NFAT5: variants seen among roughly 807,000 people sequenced by gnomAD.
NFAT5 encodes the protein nuclear factor of activated T-cells 5.
In NFAT5, 31 loss-of-function variants were observed where a neutral mutation model predicts 166.5. That is an observed-to-expected ratio of 0.19 (90% confidence interval 0.14 to 0.25). NFAT5 has a LOEUF of 0.25. Among genes scored for constraint, NFAT5 ranks in the 10% least tolerant of loss-of-function variants. The probability of loss-of-function intolerance (pLI) is 1.00; values close to 1 mark genes in which losing one functional copy is unlikely to be tolerated. For synonymous variants in NFAT5, 612 were observed against 639.7 expected (o/e 0.96, Z 0.65); for missense variants, 1,449 against 1,821.8 (o/e 0.80, Z 3.72).
intron 6 of NFAT5, among the ~76,000 whole-genome samples, chr16:69,659,399 C>T (rs936297096): frequency 1.3e-5 from 2 of 151,896 alleles, no homozygotes; most frequent in African/African-American, 4.8e-5. Context: ...GCCGAGATCA[C>T]GCCACTGCAC....
At chr16:69,670,587 A>T (rs575354015) in intron 9 of NFAT5, among the ~76,000 whole-genome samples, 17 of 152,212 alleles carry the variant, frequency 1.1e-4, no homozygotes, top group Non-Finnish European at 2.1e-4. Context: ...TTAATCCACT[A>T]TATAGTTAAA....
At position 69,566,382 on chromosome 16, in the gene NFAT5, A is replaced by G; in HGVS notation, c.73+8A>G. On this transcript the variant is annotated splice_region_variant and intron_variant, in intron 1 of 14. Transcript: ENST00000349945. This position sits in a 1 kb window ranked among gnomAD's most constrained non-coding sequence, Gnocchi z 5.7. Reference sequence around the variant, plus strand: ...AGTCCCTCTACTCGCGAGGTGAGTCAGGCTGTGGGGGGTGGGGCGTGGGGG... The same window carrying G: ...AGTCCCTCTACTCGCGAGGTGAGTCGGGCTGTGGGGGGTGGGGCGTGGGGG... 1.0e-6 allele frequency: 1 copy of G among 1,000,258 alleles called. No individual in the cohort carries two copies. Among genetic ancestry groups the G allele is most frequent in the Admixed American group, 1.9e-5 (1 of 52,376 alleles). The allele number at this position is 1,000,258 out of a possible 1,614,324, so 62.0% of individuals were successfully genotyped here.
intron 2 of NFAT5, among the ~76,000 whole-genome samples, chr16:69,595,867 A>G (rs1229358742): frequency 6.6e-6 from 1 of 152,190 alleles, no homozygotes; most frequent in African/African-American, 2.4e-5. Context: ...CTGATAATCC[A>G]TATGGTTACT....
At position 69,693,070 on chromosome 16, in the gene NFAT5, C is replaced by T; in HGVS notation, c.3245C>T (p.Ser1082Phe). Residue 1082 changes from serine to phenylalanine, a missense_variant, in exon 13 of 15, where the codon TCT becomes TTT. This residue lies in a region of NFAT5 where 891 missense variants were observed against 993.0 expected (regional missense o/e 0.90). Coordinates refer to ENST00000349945, the MANE Select transcript of NFAT5 (RefSeq NM_138713.4). The stretch of plus-strand genomic sequence containing the variant: ...CAATCTGGAAATTTTTTGCAGCAGT[C>T]TTCTCATTCACAGGCCCAACTTTTT... ...SLQSGNFLQQSSHSQAQLFHP... is the reference protein window; with the variant it reads ...SLQSGNFLQQFSHSQAQLFHP... 1.2e-6 allele frequency: 2 copies of T among 1,600,944 alleles called. No homozygotes were observed. Among genetic ancestry groups the T allele is most frequent in the Non-Finnish European group, 1.7e-6 (2 of 1,168,080 alleles).
At chr16:69,670,370 A>T (rs1226834293) in intron 9 of NFAT5, 82 bp downstream of exon 9, 3 of 830,112 alleles carry the variant, frequency 3.6e-6, no homozygotes, top group Non-Finnish European at 5.7e-6. Flanking sequence ...CTGAATCAAT[A>T]GATTAAATTT....
At position 69,642,032 on chromosome 16, in the gene NFAT5, G is replaced by A. The variant is rs561676079; in HGVS notation, c.254-4996G>A. On this transcript the variant is annotated intron_variant, in intron 3 of 14. Coordinates refer to ENST00000349945, the MANE Select transcript of NFAT5 (RefSeq NM_138713.4). ...GATGATCGCTTGAGCCCAGGAGGTC[G>A]AGGCTGCAGTGGGTTGTGATCGTGC... Among the ~76,000 whole-genome samples the A allele has an allele frequency of 5.6e-4, 85 of 152,156 alleles. 1 individual carries two copies. The highest frequency in any genetic ancestry group is 2.0e-3 in the African/African-American group (83 of 41,510).
intron 4 of NFAT5, among the ~76,000 whole-genome samples, chr16:69,652,726 G>T (rs1199058701): frequency 1.3e-5 from 2 of 149,404 alleles, no homozygotes; most frequent in Admixed American, 1.4e-4. Flanking sequence ...TTTGTATGGG[G>T]GTATGTAGGG....
Position 69,703,438 on chromosome 16 carries a change from G to A in NFAT5, c.*7087G>A, listed in dbSNP as rs1325032090. ...TCGTTTCTCAAGTGTATGCATCATG[G>A]TAAATATAAACTAACCACAAGATAG... On this transcript the variant is annotated 3_prime_UTR_variant, in exon 15 of 15. Transcript: ENST00000349945. The A allele has an allele frequency of 1.3e-5, 2 of 152,524 alleles. No homozygotes were observed. Among genetic ancestry groups the A allele is most frequent in the East Asian group, 3.8e-4 (2 of 5,202 alleles). The allele number at this position is 152,524 out of a possible 1,614,324, so 9.4% of individuals were successfully genotyped here.
intron 2 of NFAT5, among the ~76,000 whole-genome samples, chr16:69,578,782 T>A (rs2031467844): frequency 6.6e-6 from 1 of 152,188 alleles, no homozygotes; most frequent in Non-Finnish European, 1.5e-5. Flanking sequence ...AATAATAAAT[T>A]AATTTTCCCA....
chr16:69,660,821 CT>C (rs2036093936), intron 7 of NFAT5, among the ~76,000 whole-genome samples: 43 of 140,602 alleles, frequency 3.1e-4, no homozygotes, highest in African/African-American at 1.1e-3. Flanking sequence ...TTTTTTTTTT[CT>C]TTTTTGAGAT....
intron 2 of NFAT5, among the ~76,000 whole-genome samples, chr16:69,624,916 AAAG>A (rs571280051): frequency 2.8e-4 from 42 of 151,344 alleles, no homozygotes; most frequent in African/African-American, 8.0e-4. Flanking sequence ...AAAAAAAAAA[AAAG>A]AAGGAGTTTC....
At chr16:69,574,773 A>G (rs763558860) in intron 2 of NFAT5, among the ~76,000 whole-genome samples, 2 of 151,936 alleles carry the variant, frequency 1.3e-5, no homozygotes, top group South Asian at 2.1e-4. Context: ...GGTTCAAGCA[A>G]TTCTCCCACC....
At chr16:69,578,877 GT>G (rs200744895) in intron 2 of NFAT5, among the ~76,000 whole-genome samples, 99 of 143,666 alleles carry the variant, frequency 6.9e-4, no homozygotes, top group Non-Finnish European at 6.8e-4. Flanking sequence ...ATCTGAATAA[GT>G]TTTTTTTTTT....
intron 2 of NFAT5, among the ~76,000 whole-genome samples, chr16:69,611,552 C>T (rs2033704033): frequency 6.6e-6 from 1 of 152,130 alleles, no homozygotes; most frequent in South Asian, 2.1e-4. Flanking sequence ...TGATAGTCTG[C>T]AGTATGGAGT....
At chr16:69,676,163 G>A (rs1003028332) in intron 9 of NFAT5, among the ~76,000 whole-genome samples, 4 of 152,116 alleles carry the variant, frequency 2.6e-5, no homozygotes, top group Admixed American at 2.6e-4. Flanking sequence ...CAGATCATTA[G>A]TGAAAAAGCA....
At chr16:69,605,414 A>G (rs2151547157) in intron 2 of NFAT5, among the ~76,000 whole-genome samples, 2 of 152,282 alleles carry the variant, frequency 1.3e-5, no homozygotes, top group East Asian at 1.9e-4. Context: ...CACCCTAGCC[A>G]GGGCAACAGA....
intron 3 of NFAT5, among the ~76,000 whole-genome samples, chr16:69,627,323 C>CATATATAT (rs10524659): frequency 3.1e-5 from 4 of 128,878 alleles, no homozygotes; most frequent in Non-Finnish European, 6.6e-5. Flanking sequence ...AAAAAGGAAA[C>CATATATAT]ATATATATAT....
chr16:69,660,933 C>T (rs376277803), intron 7 of NFAT5, among the ~76,000 whole-genome samples: 9 of 151,806 alleles, frequency 5.9e-5, no homozygotes, highest in Admixed American at 2.0e-4. Flanking sequence ...CTCAGCCTCC[C>T]GAGTAGCTGG....
chr16:69,641,235 G>A (rs1389329835), intron 3 of NFAT5, among the ~76,000 whole-genome samples: 1 of 137,606 alleles, frequency 7.3e-6, no homozygotes, highest in East Asian at 2.1e-4. Flanking sequence ...CCAAGATTGT[G>A]CCACTGCATT....
Sources: allele counts gnomAD v4.1 joint callset (sites outside exome capture counted in the v4.1 genomes callset), GRCh38; gene constraint gnomAD v4.1.1; regional missense constraint gnomAD v4.1.1; non-coding constraint Gnocchi (gnomAD v3.1); transcripts MANE v1.5; gene names NCBI Gene and HGNC (gene_info 2026-07-23, HGNC 2026-07-21).